ENTPD1: variants seen among roughly 807,000 people sequenced by gnomAD.
ENTPD1 encodes ATP diphosphohydrolase.
Under a neutral mutation model 57.0 loss-of-function variants are expected in ENTPD1, and 33 were observed. The ratio of observed to expected loss-of-function variants is 0.58; its 90% confidence interval spans 0.44 to 0.77. ENTPD1 has a LOEUF of 0.77. ENTPD1 is among the 30% of genes least tolerant of loss of function. The pLI is 0.00. For missense variants in ENTPD1, 501 were observed against 603.4 expected (o/e 0.83, Z 1.78); for synonymous variants, 202 against 218.8 (o/e 0.92, Z 0.68).
At chr10:95,763,009 C>T (rs1412114518) in intron 1 of ENTPD1, among the ~76,000 whole-genome samples, 1 of 151,986 alleles carries the variant, frequency 6.6e-6, no homozygotes, top group African/African-American at 2.4e-5. Context: ...TGTTTTTAAT[C>T]AACTTATGTG....
At chr10:95,834,534 G>A (rs2098404894) in intron 2 of ENTPD1, among the ~76,000 whole-genome samples, 1 of 152,182 alleles carries the variant, frequency 6.6e-6, no homozygotes, top group Non-Finnish European at 1.5e-5. Flanking sequence ...TTCTGAATGA[G>A]AAGAGGGTGA....
At chr10:95,860,716 G>A (rs2098463943) in intron 8 of ENTPD1, 134 bp downstream of exon 8, 1 of 726,398 alleles carries the variant, frequency 1.4e-6, no homozygotes, top group Non-Finnish European at 2.5e-6. Context: ...AGACCAGATG[G>A]TGGACTCAGG....
chr10:95,806,994 C>A (rs553449571), intron 1 of ENTPD1, among the ~76,000 whole-genome samples: 1 of 152,178 alleles, frequency 6.6e-6, no homozygotes, highest in Admixed American at 6.5e-5. Context: ...GCAATCTGTC[C>A]GTTTTCAGAG....
intron 1 of ENTPD1, among the ~76,000 whole-genome samples, chr10:95,814,869 T>A (rs141596517): frequency 4.4e-4 from 67 of 152,262 alleles, no homozygotes; most frequent in African/African-American, 1.6e-3. Flanking sequence ...CCCCACCCCT[T>A]CCCTTCCTTC....
At chr10:95,832,566 C>T (rs565943984) in intron 2 of ENTPD1, among the ~76,000 whole-genome samples, 1 of 152,174 alleles carries the variant, frequency 6.6e-6, no homozygotes, top group South Asian at 2.1e-4. Flanking sequence ...GTCAGATATT[C>T]TTTTAGCACA....
chr10:95,747,010 T>C (rs1208729677), intron 1 of ENTPD1, among the ~76,000 whole-genome samples: 1 of 152,186 alleles, frequency 6.6e-6, no homozygotes, highest in African/African-American at 2.4e-5. Flanking sequence ...TCTTGGTTTG[T>C]AGGGATCATA....
At chr10:95,773,868 C>T (rs1444118893) in intron 1 of ENTPD1, among the ~76,000 whole-genome samples, 1 of 152,200 alleles carries the variant, frequency 6.6e-6, no homozygotes, top group African/African-American at 2.4e-5. Flanking sequence ...ATTGCTGGGT[C>T]AAATGGTATT....
intron 1 of ENTPD1, among the ~76,000 whole-genome samples, chr10:95,744,581 A>G (rs936980880): frequency 6.6e-6 from 1 of 151,482 alleles, no homozygotes; most frequent in Non-Finnish European, 1.5e-5. Flanking sequence ...AGATCATGCT[A>G]CTGAACTCCA....
At chr10:95,849,461 C>T (rs760799622) in intron 7 of ENTPD1, among the ~76,000 whole-genome samples, 1 of 152,118 alleles carries the variant, frequency 6.6e-6, no homozygotes, top group Non-Finnish European at 1.5e-5. Context: ...CCTCCAGGAC[C>T]CCAGCAAGAG....
chr10:95,820,402 G>A (rs548811700), intron 1 of ENTPD1, among the ~76,000 whole-genome samples: 3 of 152,194 alleles, frequency 2.0e-5, no homozygotes, highest in African/African-American at 7.2e-5. Flanking sequence ...CATATATTCT[G>A]GTAACCTGGA....
At chr10:95,732,303 A>C (rs1057504434) in intron 1 of ENTPD1, among the ~76,000 whole-genome samples, 1 of 152,132 alleles carries the variant, frequency 6.6e-6, no homozygotes, top group African/African-American at 2.4e-5. Flanking sequence ...TGTATTCTTC[A>C]TGGAGGCAAA....
At position 95,791,338 on chromosome 10, in the gene ENTPD1, C is replaced by T. The variant is rs1049459844; in HGVS notation, c.17-31899C>T. ...TTAGGGTGACATAAAATCTGAAAAT[C>T]GTGATATGTAAAGAATGGTAAATGG... On this transcript the variant is annotated intron_variant, in intron 1 of 9. Transcript: ENST00000371205. This position sits in a 1 kb window ranked among gnomAD's most constrained non-coding sequence, Gnocchi z 4.1. Among the ~76,000 whole-genome samples, 6 of 152,018 alleles carry T rather than the reference C, an allele frequency of 3.9e-5. No homozygotes were observed. Among genetic ancestry groups the T allele is most frequent in the African/African-American group, 7.2e-5 (3 of 41,384 alleles).
intron 1 of ENTPD1, among the ~76,000 whole-genome samples, chr10:95,718,297 C>T (rs2097973835): frequency 6.6e-6 from 1 of 152,132 alleles, no homozygotes; most frequent in African/African-American, 2.4e-5. Flanking sequence ...TCTATGTCTT[C>T]TGCTGAGTAC....
At position 95,803,894 on chromosome 10, in the gene ENTPD1, G is replaced by A. The variant is rs573979578; in HGVS notation, c.17-19343G>A. 5.9e-5 allele frequency among the ~76,000 whole-genome samples: 9 copies of A among 152,262 alleles called. No individual in the cohort carries two copies. The South Asian group carries it at 1.9e-3, about 32-fold the overall frequency. On this transcript the variant is annotated intron_variant, in intron 1 of 9. Transcript: ENST00000371205. ...TAATTTTTGTATAAGGTGTAAGGAAGGGATCCAGTTTCAGCTTTCTACATA... is the reference window on the plus strand; with the variant it reads ...TAATTTTTGTATAAGGTGTAAGGAAAGGATCCAGTTTCAGCTTTCTACATA...
chr10:95,759,876 A>G (rs549309828), intron 1 of ENTPD1, among the ~76,000 whole-genome samples: 6 of 152,334 alleles, frequency 3.9e-5, no homozygotes, highest in Non-Finnish European at 7.3e-5. Flanking sequence ...GAAGGAGGTC[A>G]TTTGGTTAAG....
At chr10:95,705,485 A>AT in the ENTPD1 span, among the ~76,000 whole-genome samples, 78 of 151,540 alleles carry the variant, frequency 5.1e-4, no homozygotes, top group Non-Finnish European at 5.6e-4. Context: ...CCACACAACA[A>AT]TTTTTTTTGT....
Position 95,872,732 on chromosome 10 carries a change from C to G in ENTPD1, c.*6349C>G, listed in dbSNP as rs372983040. On this transcript the variant is annotated 3_prime_UTR_variant, in exon 10 of 10. Coordinates refer to ENST00000371205, the MANE Select transcript of ENTPD1 (RefSeq NM_001776.6). ...TCCCTGTCCACTGCCAGGCCGACTA[C>G]AAACCCTTCTGTTGCTGGCGAGCTG... The G allele has an allele frequency of 3.0e-6, 3 of 985,458 alleles. No homozygotes were observed. The highest frequency in any genetic ancestry group is 1.2e-6 in the Non-Finnish European group (1 of 829,946). 61.0% of individuals were successfully genotyped at this position (985,458 alleles called of 1,614,324 possible). A position where few individuals can be genotyped will look rare whatever the true frequency, so the allele number is the denominator to read the frequency against.
chr10:95,822,640 C>T lies in ENTPD1; in HGVS notation c.17-597C>T, dbSNP rs1393253136. Among the ~76,000 whole-genome samples, 3 of 152,122 alleles carry T rather than the reference C, an allele frequency of 2.0e-5. No homozygotes were observed. The East Asian group carries it at 5.8e-4, about 29-fold the overall frequency. ...TCTACTATTGGAGCTTTTCTAATGTCCCATGACAGAATGAGACTAAAGACA... is the reference window on the plus strand; with the variant it reads ...TCTACTATTGGAGCTTTTCTAATGTTCCATGACAGAATGAGACTAAAGACA... On this transcript the variant is annotated intron_variant, in intron 1 of 9. Coordinates refer to ENST00000371205, the MANE Select transcript of ENTPD1 (RefSeq NM_001776.6).
chr10:95,809,080 T>C (rs1217562185), intron 1 of ENTPD1, among the ~76,000 whole-genome samples: 2 of 152,194 alleles, frequency 1.3e-5, no homozygotes, highest in African/African-American at 4.8e-5. Context: ...CAGAAGAATT[T>C]TTCTTAGTAC....
Sources: gnomAD v4.1 joint callset for allele counts (sites outside exome capture counted in the v4.1 genomes callset) on GRCh38, gnomAD v4.1.1 for gene constraint, Gnocchi (gnomAD v3.1) non-coding constraint, MANE v1.5 for transcripts, NCBI Gene and HGNC (gene_info 2026-07-23, HGNC 2026-07-21) for gene names.